Variants in FXR2 observed in about 807,000 individuals in gnomAD.
FXR2 encodes RNA-binding protein FXR2.
A neutral mutation model predicts 87.3 loss-of-function variants in FXR2; 9 were observed. That is an observed-to-expected ratio of 0.10 (90% confidence interval 0.06 to 0.18). The LOEUF is 0.18. Among genes scored for constraint, FXR2 ranks in the 10% least tolerant of loss-of-function variants. The pLI is 1.00. For missense variants in FXR2, 661 were observed against 893.6 expected, an observed-to-expected ratio of 0.74 and a Z score of 3.32; for synonymous variants, 331 against 328.3, an observed-to-expected ratio of 1.01 and a Z score of -0.09.
At position 7,601,489 on chromosome 17, in the gene FXR2, G is replaced by A. The variant is rs760742942; in HGVS notation, c.580C>T (p.Leu194=). ...AGGCTTCGGAAATGCATATCACCCA[G>A]CAGAGATGCTCGCTTCACAGGGGCT... is the stretch of plus-strand genomic sequence containing the variant. The part of the protein sequence containing the change: ...TEAPVKRASL[L]GDMHFRSLRT... Residue 194 remains leucine, a synonymous_variant, in exon 7 of 17, where the codon CTG becomes TTG. Transcript: ENST00000250113. The A allele has an allele frequency of 1.2e-6, 2 of 1,612,936 alleles. No individual in the cohort carries two copies.
intron 7 of FXR2, among the ~76,000 whole-genome samples, chr17:7,598,243 G>GA (rs946958522): frequency 6.6e-6 from 1 of 152,020 alleles, no homozygotes; most frequent in African/African-American, 2.4e-5. Flanking sequence ...GAGGTCAGGA[G>GA]ATCAAGACCA....
At chr17:7,609,904 A>G (rs904929075) in intron 1 of FXR2, among the ~76,000 whole-genome samples, 6 of 139,210 alleles carry the variant, frequency 4.3e-5, no homozygotes, top group African/African-American at 1.6e-4. Flanking sequence ...ATACACATAC[A>G]TATATATGTA....
At position 7,594,439 on chromosome 17, in the gene FXR2, A is replaced by G. The variant is rs1597871772; in HGVS notation, c.911-92T>C. 12 of 794,330 alleles carry G rather than the reference A, an allele frequency of 1.5e-5. No homozygotes were observed. In the South Asian group the frequency reaches 1.9e-4, roughly 13 times the overall value. 49.2% of individuals were successfully genotyped at this position (794,330 alleles called of 1,614,324 possible). On this transcript the variant is annotated intron_variant, in intron 9 of 16. Transcript: ENST00000250113. This position sits in a 1 kb window ranked among gnomAD's most constrained non-coding sequence, Gnocchi z 5.1. ...ACCGTCTTCCAGCCTCATTTTCTTT[A>G]TATGGATTCCATTTACTTCATTCTC...
At chr17:7,611,838 G>A (rs1025438623) in intron 1 of FXR2, among the ~76,000 whole-genome samples, 4 of 152,134 alleles carry the variant, frequency 2.6e-5, no homozygotes, top group African/African-American at 7.2e-5. Flanking sequence ...AGGTCAAAAC[G>A]GATAAGTATC....
chr17:7,601,284 C>A, intron 7 of FXR2, 125 bp downstream of exon 7: 1 of 640,230 alleles, frequency 1.6e-6, no homozygotes, highest in East Asian at 2.6e-5. Context: ...ATAGCTGACC[C>A]AGGTTTAATT....
At chr17:7,603,606 AAACT>A (rs758572028) in intron 5 of FXR2, 147 bp downstream of exon 5, 310 of 619,142 alleles carry the variant, frequency 5.0e-4, no homozygotes, top group Non-Finnish European at 8.2e-4. Context: ...GAAAATAAAG[AAACT>A]AAGTGTCTTC....
At chr17:7,601,600 T>TC in intron 6 of FXR2, 75 bp from the exon 7 acceptor site, 1 of 886,268 alleles carries the variant, frequency 1.1e-6, no homozygotes, top group Non-Finnish European at 1.9e-6. Flanking sequence ...GGACTAGAAA[T>TC]CAGGATGCCT....
At chr17:7,601,691 G>T (rs969474269) in intron 6 of FXR2, among the ~76,000 whole-genome samples, 166 bp from the exon 7 acceptor site, 10 of 152,216 alleles carry the variant, frequency 6.6e-5, no homozygotes, top group Non-Finnish European at 1.2e-4. Flanking sequence ...GACTTTGGGA[G>T]GCCAAGGCAG....
chr17:7,613,388 A>C (rs2071893165), intron 1 of FXR2, among the ~76,000 whole-genome samples: 1 of 152,164 alleles, frequency 6.6e-6, no homozygotes, highest in Admixed American at 6.6e-5. Context: ...GGAGGCAAGA[A>C]AGGGCTCTCT....
In FXR2 at chr17:7,593,622, C is replaced by G; in HGVS notation, c.1111G>C (p.Val371Leu). ...AGCCTCTCCAAGCGAAGCTGCTCTA[C>G]CTCCTGGTTGGGTAAAAGATGGAAG... ...LEYHLSYLQE[V>L]EQLRLERLQI... Residue 371 changes from valine (V) to leucine (L), a missense_variant, in exon 12 of 17, where the codon GTA (valine) becomes CTA (leucine). Coordinates refer to ENST00000250113, the MANE Select transcript of FXR2 (RefSeq NM_004860.4). This position sits in a 1 kb window ranked among gnomAD's most constrained non-coding sequence, Gnocchi z 6.1. 6.3e-7 allele frequency: 1 copy of G among 1,579,012 alleles called. No individual in the cohort carries two copies.
rs1400597458 is a variant in FXR2 at position 7,592,771 on chromosome 17, C to T, written c.1652G>A (p.Arg551His). ...GACGGTCCTGTCTTCATCAGTGCGGCGGCGGCGGGAGCGGCGGCGCCTGGC... is the reference window on the plus strand; with the variant it reads ...GACGGTCCTGTCTTCATCAGTGCGGTGGCGGCGGGAGCGGCGGCGCCTGGC... ...ASARRRRSRR[R>H]RTDEDRTVMD... is the part of the protein sequence containing the mutation. Residue 551 changes from arginine (R) to histidine (H), a missense_variant, in exon 14 of 17, where the codon CGC becomes CAC. Around this residue, in one of 3 missense-constraint regions of FXR2, gnomAD observed 409 missense variants for 432.0 expected, o/e 0.95. Coordinates refer to ENST00000250113, the MANE Select transcript of FXR2 (RefSeq NM_004860.4). The surrounding 1 kb of genome is among the most constrained non-coding windows in gnomAD (Gnocchi z 4.8). 11 of 1,613,626 alleles carry T rather than the reference C, an allele frequency of 6.8e-6. No individual in the cohort carries two copies. The highest frequency in any genetic ancestry group is 2.7e-5 in the African/African-American group (2 of 74,896).
chr17:7,611,316 C>G (rs1011675284), intron 1 of FXR2, among the ~76,000 whole-genome samples: 2 of 152,028 alleles, frequency 1.3e-5, no homozygotes, highest in Admixed American at 1.3e-4. Flanking sequence ...TTCTGACAAA[C>G]TTAATTTTCA....
In FXR2 at chr17:7,592,228, G is replaced by T; in HGVS notation, c.1926+26C>A. On this transcript the variant is annotated intron_variant, in intron 16 of 16. Coordinates refer to ENST00000250113, the MANE Select transcript of FXR2 (RefSeq NM_004860.4). The surrounding 1 kb of genome is among the most constrained non-coding windows in gnomAD (Gnocchi z 4.8). ...CCAGAGTAACAACAAAAAAGGGATG[G>T]GGTAAAGCACATCTTGCCTGCCTAC... 6.4e-7 allele frequency: 1 copy of T among 1,567,138 alleles called. No individual in the cohort carries two copies. Among genetic ancestry groups the T allele is most frequent in the East Asian group, 2.2e-5 (1 of 44,492 alleles).
At position 7,594,295 on chromosome 17, in the gene FXR2, A is replaced by G; in HGVS notation, c.963T>C (p.Ser321=). The change falls in exon 10 of 17, where the codon TCT becomes TCC. Residue 321 remains serine, a synonymous_variant. Coordinates refer to ENST00000250113, the MANE Select transcript of FXR2 (RefSeq NM_004860.4). This position sits in a 1 kb window ranked among gnomAD's most constrained non-coding sequence, Gnocchi z 5.1. ...GKVIQEIVDK[S]GVVRVRVEGD... ...CTTCCACTCGAACCCTCACCACACC[A>G]GATTTATCCACAATCTCCTGGATCA... The G allele has an allele frequency of 1.9e-6, 3 of 1,613,378 alleles. No homozygotes were observed. The South Asian group carries it at 3.3e-5, about 18-fold the overall frequency.
intron 7 of FXR2, 56 bp downstream of exon 7, chr17:7,601,353 G>T: frequency 1.1e-6 from 1 of 935,896 alleles, no homozygotes. Context: ...GGAGGACAGG[G>T]TAGGAAGGGA....
At chr17:7,609,979 CATATAT>C (rs56863633) in intron 1 of FXR2, among the ~76,000 whole-genome samples, 821 of 47,282 alleles carry the variant, frequency 0.017, 14 homozygotes, top group Non-Finnish European at 0.023. Flanking sequence ...TATATGTATA[CATATAT>C]ATATACATGT....
intron 7 of FXR2, among the ~76,000 whole-genome samples, chr17:7,598,329 C>A (rs1006124864): frequency 6.6e-6 from 1 of 152,120 alleles, no homozygotes; most frequent in Admixed American, 6.6e-5. Context: ...GTGGCAGGCG[C>A]CTGTAGTCCC....
intron 1 of FXR2, among the ~76,000 whole-genome samples, chr17:7,609,876 G>A (rs1439616182): frequency 6.8e-6 from 1 of 147,234 alleles, no homozygotes; most frequent in Non-Finnish European, 1.5e-5. Flanking sequence ...ATATATATAT[G>A]TATACATATA....
In FXR2 at chr17:7,592,339, T is replaced by G. The variant is rs776484282; in HGVS notation, c.1841A>C (p.Tyr614Ser). ...GDRQPVTVAD[Y>S]ISRAESQSRQ... ...GCTCTGAGACTCTGCTCGTGAGATA[T>G]AGTCAGCCACAGTCACTGGGGAAGG... The change falls in exon 16 of 17, where the codon TAT becomes TCT. Residue 614 changes from tyrosine to serine, a missense_variant. Physicochemically the swap from Tyr to Ser is moderately radical, Grantham distance 144. Coordinates refer to ENST00000250113, the MANE Select transcript of FXR2 (RefSeq NM_004860.4). This position sits in a 1 kb window ranked among gnomAD's most constrained non-coding sequence, Gnocchi z 4.8. The G allele has an allele frequency of 6.2e-7, 1 of 1,612,332 alleles. No individual in the cohort carries two copies. Among genetic ancestry groups the G allele is most frequent in the Non-Finnish European group, 8.5e-7 (1 of 1,178,386 alleles).
Sources: allele counts gnomAD v4.1 joint callset (sites outside exome capture counted in the v4.1 genomes callset), GRCh38; gene constraint gnomAD v4.1.1; regional missense constraint gnomAD v4.1.1; non-coding constraint Gnocchi (gnomAD v3.1); transcripts MANE v1.5; gene names NCBI Gene and HGNC (gene_info 2026-07-23, HGNC 2026-07-21).